PBX1: variants seen among roughly 807,000 people sequenced by gnomAD.
The protein encoded by PBX1 is pre-B-cell leukemia transcription factor 1.
In PBX1, 6 loss-of-function variants were observed where a neutral mutation model predicts 53.4. The observed-to-expected ratio is 0.11, with a 90% CI of 0.06 to 0.22. PBX1 has a LOEUF of 0.22. Among genes scored for constraint, PBX1 ranks in the 10% least tolerant of loss-of-function variants. The pLI is 1.00. For missense variants in PBX1, 251 were observed against 551.4 expected (o/e 0.46, Z 5.46); for synonymous variants, 204 against 212.3 (o/e 0.96, Z 0.34).
At chr1:164,857,569 T>G (rs913049748) in intron 2 of PBX1, among the ~76,000 whole-genome samples, 3 of 152,198 alleles carry the variant, frequency 2.0e-5, no homozygotes, top group Non-Finnish European at 4.4e-5. Context: ...AGTTCTAACC[T>G]TTTAATCAAG....
intron 2 of PBX1, among the ~76,000 whole-genome samples, chr1:164,786,729 A>G (rs796541059): frequency 0.04 from 5,802 of 144,404 alleles, 393 homozygotes; most frequent in African/African-American, 0.14. Context: ...GTGCGCGCGC[A>G]CACACACACA....
intron 2 of PBX1, among the ~76,000 whole-genome samples, chr1:164,586,077 C>A (rs1654933690): frequency 6.6e-6 from 1 of 152,308 alleles, no homozygotes; most frequent in Non-Finnish European, 1.5e-5. Context: ...CAGATAGGTG[C>A]TGTACTACAC....
chr1:164,790,582 G>A (rs1051927603), intron 2 of PBX1, among the ~76,000 whole-genome samples: 1 of 151,916 alleles, frequency 6.6e-6, no homozygotes, highest in Non-Finnish European at 1.5e-5. Context: ...TCACCACGGA[G>A]CCCAAGCTTC....
At chr1:164,606,535 C>T (rs184961483) in intron 2 of PBX1, among the ~76,000 whole-genome samples, 1 of 152,142 alleles carries the variant, frequency 6.6e-6, no homozygotes, top group African/African-American at 2.4e-5. Context: ...GAGGTAGCGC[C>T]GCTGCACTCC....
At chr1:164,752,206 T>TTCTGTGTGTGTGTGTG (rs1553240571) in intron 2 of PBX1, among the ~76,000 whole-genome samples, 1 of 143,026 alleles carries the variant, frequency 7.0e-6, no homozygotes, top group African/African-American at 2.6e-5. Context: ...CTTTAAGGTT[T>TTCTGTGTGTGTGTGTG]TGTGTGTGTG....
At chr1:164,811,827 T>G (rs1027934824) in intron 5 of PBX1, among the ~76,000 whole-genome samples, 163 bp from the exon 6 acceptor site, 1 of 151,650 alleles carries the variant, frequency 6.6e-6, no homozygotes, top group African/African-American at 2.4e-5. Flanking sequence ...AGTTGTCCTT[T>G]TGAAGCTCTT....
intron 3 of PBX1, among the ~76,000 whole-genome samples, chr1:164,799,262 G>A (rs988670122): frequency 1.3e-5 from 2 of 152,082 alleles, no homozygotes; most frequent in East Asian, 1.9e-4. Context: ...AGGCCGAGGC[G>A]GGGGGATCAC....
At chr1:164,885,439 C>G (rs941206643) in intron 2 of PBX1, among the ~76,000 whole-genome samples, 4 of 152,184 alleles carry the variant, frequency 2.6e-5, no homozygotes, top group African/African-American at 9.7e-5. Flanking sequence ...AGTCTCAGCT[C>G]AGCCATTATC....
intron 2 of PBX1, among the ~76,000 whole-genome samples, chr1:164,664,615 G>A (rs534042422): frequency 6.6e-6 from 1 of 152,316 alleles, no homozygotes; most frequent in Admixed American, 6.5e-5. Flanking sequence ...GTGATGGTAT[G>A]TATTAGTCTG....
intron 2 of PBX1, among the ~76,000 whole-genome samples, chr1:164,600,999 G>A (rs1656129901): frequency 6.6e-6 from 1 of 152,102 alleles, no homozygotes; most frequent in African/African-American, 2.4e-5. Flanking sequence ...CACTTTGGGA[G>A]GCCGAGGCGG....
At chr1:164,617,076 ACTC>A (rs1657328217) in intron 2 of PBX1, among the ~76,000 whole-genome samples, 1 of 152,036 alleles carries the variant, frequency 6.6e-6, no homozygotes, top group Non-Finnish European at 1.5e-5. Context: ...TATTTTAAAA[ACTC>A]CTCAAATTTA....
chr1:164,712,569 A>G (rs1027715156), intron 2 of PBX1, among the ~76,000 whole-genome samples: 2 of 152,166 alleles, frequency 1.3e-5, no homozygotes, highest in African/African-American at 4.8e-5. Flanking sequence ...ATCGGAAGGC[A>G]CAGAGGCAGG....
intron 2 of PBX1, among the ~76,000 whole-genome samples, chr1:164,741,992 A>G (rs1463469567): frequency 3.3e-5 from 5 of 152,066 alleles, no homozygotes; most frequent in African/African-American, 1.2e-4. Flanking sequence ...GCAAAAAGAA[A>G]AGCTGAGAGT....
intron 3 of PBX1, among the ~76,000 whole-genome samples, chr1:164,795,473 T>G (rs1439650749): frequency 6.6e-6 from 1 of 152,212 alleles, no homozygotes; most frequent in Non-Finnish European, 1.5e-5. Context: ...AATTGAGAAC[T>G]AAAAAGCTCC....
chr1:164,858,530 C>T (rs1037205177), intron 2 of PBX1, among the ~76,000 whole-genome samples: 1 of 151,976 alleles, frequency 6.6e-6, no homozygotes, highest in Non-Finnish European at 1.5e-5. Context: ...CTCATAAGAG[C>T]CATCTTGCAA....
At chr1:164,722,893 G>A (rs1664486666) in intron 2 of PBX1, among the ~76,000 whole-genome samples, 2 of 152,178 alleles carry the variant, frequency 1.3e-5, no homozygotes, top group Admixed American at 1.3e-4. Flanking sequence ...ATCTTGTTGA[G>A]TTATACATGT....
At chr1:164,783,212 G>T (rs971264422) in intron 2 of PBX1, among the ~76,000 whole-genome samples, 1 of 152,184 alleles carries the variant, frequency 6.6e-6, no homozygotes, top group African/African-American at 2.4e-5. Context: ...GAAGCTGCAG[G>T]ATCCTTAATG....
intron 8 of PBX1, among the ~76,000 whole-genome samples, chr1:164,841,991 G>GT (rs1246722356): frequency 1.3e-5 from 2 of 152,182 alleles, no homozygotes; most frequent in Non-Finnish European, 2.9e-5. Flanking sequence ...GCAAATGAGA[G>GT]TTTCTTAGTG....
At chr1:164,809,821 C>G (rs186794369) in intron 5 of PBX1, among the ~76,000 whole-genome samples, 1 of 152,114 alleles carries the variant, frequency 6.6e-6, no homozygotes. Context: ...CCTAAAGAGC[C>G]CTTTTTCTAT....
Sources: gnomAD v4.1 joint callset for allele counts (sites outside exome capture counted in the v4.1 genomes callset) on GRCh38, gnomAD v4.1.1 for gene constraint, MANE v1.5 for transcripts, NCBI Gene and HGNC (gene_info 2026-07-23, HGNC 2026-07-21) for gene names.